Variants in DENND2B observed in about 807,000 individuals in gnomAD.
The protein encoded by DENND2B is DENN domain-containing protein 2B.
In DENND2B, 32 loss-of-function variants were observed where a neutral mutation model predicts 116.0. That is an observed-to-expected ratio of 0.28 (90% CI 0.21 to 0.37). DENND2B has a LOEUF of 0.37. Among genes scored for constraint, DENND2B ranks in the 10% least tolerant of loss-of-function variants. The probability of loss-of-function intolerance (pLI) is 1.00; values close to 1 mark genes in which losing one functional copy is unlikely to be tolerated. For synonymous variants in DENND2B, 588 were observed against 583.9 expected, an observed-to-expected ratio of 1.01 and a Z score of -0.10; for missense variants, 1,276 against 1,477.7, an observed-to-expected ratio of 0.86 and a Z score of 2.24.
chr11:8,907,882 A>G (rs2134772371), intron 1 of DENND2B, among the ~76,000 whole-genome samples: 2 of 152,284 alleles, frequency 1.3e-5, no homozygotes, highest in East Asian at 3.9e-4. Flanking sequence ...TTTTTAAAAA[A>G]TAGAGACAGG....
At chr11:8,861,995 A>C (rs945349761) in intron 2 of DENND2B, among the ~76,000 whole-genome samples, 9 of 145,964 alleles carry the variant, frequency 6.2e-5, no homozygotes, top group Admixed American at 5.4e-4. Flanking sequence ...GCAAAGGCAT[A>C]TCGAGTGGTA....
chr11:8,852,790 C>A (rs1024660503), intron 3 of DENND2B, among the ~76,000 whole-genome samples: 1 of 152,132 alleles, frequency 6.6e-6, no homozygotes, highest in South Asian at 2.1e-4. Context: ...GACTGAACAC[C>A]CTGAGGCAGC....
intron 1 of DENND2B, among the ~76,000 whole-genome samples, chr11:8,897,148 T>G (rs2064112422): frequency 2.0e-5 from 3 of 152,052 alleles, no homozygotes; most frequent in Admixed American, 2.0e-4. Context: ...TCCCAGCTAC[T>G]CTGGAGGCTG....
chr11:8,732,970 C>T (rs1248591396), intron 2 of DENND2B, among the ~76,000 whole-genome samples: 1 of 152,250 alleles, frequency 6.6e-6, no homozygotes, highest in Admixed American at 6.5e-5. Flanking sequence ...CAGGGATTGG[C>T]TGACAATTCC....
chr11:8,700,066 G>GA (rs1393574624), intron 14 of DENND2B: 5 of 357,846 alleles, frequency 1.4e-5, no homozygotes, highest in Non-Finnish European at 2.8e-5. Context: ...AGCTGGCCTG[G>GA]GGGGGGGCAG....
In DENND2B at chr11:8,711,189, G is replaced by C. The variant is rs1303775950; in HGVS notation, c.2215C>G (p.Leu739Val). 1 of 1,614,130 alleles carries C rather than the reference G, an allele frequency of 6.2e-7. No homozygotes were observed. Among genetic ancestry groups the C allele is most frequent in the African/African-American group, 1.3e-5 (1 of 75,040 alleles). The change falls in exon 10 of 20, where the codon CTC becomes GTC. Residue 739 changes from leucine (L) to valine (V), a missense_variant. This residue lies in a region of DENND2B where 420 missense variants were observed against 631.1 expected (regional missense o/e 0.67). Transcript: ENST00000313726. The part of the protein sequence containing the change: ...TKQMREAEER[L>V]KAIPQFCFPD... Reference sequence around the variant, plus strand: ...AAGCAAAACTGGGGAATGGCTTTGAGCCTTTCCTCTGCCTCTCGCATCTGC... The same window carrying C: ...AAGCAAAACTGGGGAATGGCTTTGACCCTTTCCTCTGCCTCTCGCATCTGC...
chr11:8,836,887 C>T (rs1383263874), intron 4 of DENND2B, among the ~76,000 whole-genome samples: 15 of 152,056 alleles, frequency 9.9e-5, no homozygotes, highest in African/African-American at 2.9e-4. Flanking sequence ...GGCTAATTTT[C>T]GTATTTCTTA....
At chr11:8,872,230 G>C (rs1040944766), upstream of DENND2B, among the ~76,000 whole-genome samples, 1 of 152,174 alleles carries the variant, frequency 6.6e-6, no homozygotes, top group Non-Finnish European at 1.5e-5. Context: ...GCTCAGGCCT[G>C]TAATCCCAGC....
intron 14 of DENND2B, among the ~76,000 whole-genome samples, chr11:8,701,140 T>C (rs1403640378): frequency 1.3e-5 from 2 of 152,160 alleles, no homozygotes; most frequent in Admixed American, 1.3e-4. Flanking sequence ...CCCCGGCTCT[T>C]AGAGCCAGGC....
chr11:8,738,350 G>A (rs1383183008), intron 2 of DENND2B, among the ~76,000 whole-genome samples: 2 of 152,108 alleles, frequency 1.3e-5, no homozygotes, highest in South Asian at 2.1e-4. Context: ...CTTCTCAGTC[G>A]GTTTCCTTGG....
chr11:8,814,472 A>G (rs778930892), upstream of DENND2B, among the ~76,000 whole-genome samples: 2 of 151,886 alleles, frequency 1.3e-5, no homozygotes, highest in African/African-American at 2.4e-5. Context: ...AGTTCCCCTG[A>G]GGTGTCATAT....
At chr11:8,784,791 T>C (rs748391971) in intron 1 of DENND2B, among the ~76,000 whole-genome samples, 3 of 151,810 alleles carry the variant, frequency 2.0e-5, no homozygotes, top group Non-Finnish European at 1.5e-5. Flanking sequence ...TGAGCCGAGA[T>C]TGTGCCACTG....
At chr11:8,878,478 C>T (rs1451856525) in intron 2 of DENND2B, among the ~76,000 whole-genome samples, 2 of 152,022 alleles carry the variant, frequency 1.3e-5, no homozygotes, top group Non-Finnish European at 2.9e-5. Flanking sequence ...CAACCTCCAC[C>T]TCCTGGGTTC....
At chr11:8,902,920 T>G (rs2064187391) in intron 1 of DENND2B, among the ~76,000 whole-genome samples, 2 of 152,140 alleles carry the variant, frequency 1.3e-5, no homozygotes, top group African/African-American at 2.4e-5. Context: ...ATCACAGTGG[T>G]GCAATCTCGG....
chr11:8,867,937 T>C lies in DENND2B; in HGVS notation c.-250+3017A>G, dbSNP rs149199346. On this transcript the variant is annotated intron_variant, in intron 2 of 6. Transcript: ENST00000524757. ...ATATGAGAGGAAAAGGCACATCAAC[T>C]TACCTAAGATGTTTAGGGCGAGGAA... is the stretch of plus-strand genomic sequence containing the variant. 1.3e-3 allele frequency among the ~76,000 whole-genome samples: 193 copies of C among 152,218 alleles called. 1 individual carries two copies. The highest frequency in any genetic ancestry group is 4.4e-3 in the African/African-American group (183 of 41,542).
At chr11:8,715,195 G>A (rs1294379564) in intron 6 of DENND2B, among the ~76,000 whole-genome samples, 1 of 152,190 alleles carries the variant, frequency 6.6e-6, no homozygotes, top group Non-Finnish European at 1.5e-5. Flanking sequence ...CGTTGGGCTG[G>A]GGATTTGGGC....
intron 4 of DENND2B, among the ~76,000 whole-genome samples, chr11:8,823,974 C>A (rs1454815799): frequency 6.7e-6 from 1 of 148,822 alleles, no homozygotes; most frequent in Non-Finnish European, 1.5e-5. Context: ...GTGATCTCAG[C>A]TCACTGCAAC....
At position 8,698,137 on chromosome 11, in the gene DENND2B, C is replaced by CAAAAAAAAAAAA. The variant is rs33975736; in HGVS notation, c.2941-513_2941-502dup. Reference sequence around the variant, plus strand: ...CTGGATGACAGTGAGACCCTGTCTCCAAAAAAAAAAAAAAAAAAAAAAAAA... The same window carrying CAAAAAAAAAAAA: ...CTGGATGACAGTGAGACCCTGTCTCCAAAAAAAAAAAAAAAAAAAAAAAAAAAAAAAAAAAAA... On this transcript the variant is annotated intron_variant, in intron 16 of 19. Coordinates refer to ENST00000313726, the MANE Select transcript of DENND2B (RefSeq NM_213618.2). Among the ~76,000 whole-genome samples, 17 of 39,808 alleles carry CAAAAAAAAAAAA rather than the reference C, an allele frequency of 4.3e-4. 2 individuals are homozygous for CAAAAAAAAAAAA. Among genetic ancestry groups the CAAAAAAAAAAAA allele is most frequent in the South Asian group, 2.0e-3 (1 of 492 alleles). The allele number at this position is 39,808 out of a possible 152,430, so 26.1% of individuals were successfully genotyped here.
intron 1 of DENND2B, among the ~76,000 whole-genome samples, chr11:8,779,023 G>A (rs2134239945): frequency 6.6e-6 from 1 of 152,312 alleles, no homozygotes; most frequent in South Asian, 2.1e-4. Flanking sequence ...TCACCACTTT[G>A]TTTTAGCTGA....
Sources: allele counts gnomAD v4.1 joint callset (sites outside exome capture counted in the v4.1 genomes callset), GRCh38; gene constraint gnomAD v4.1.1; regional missense constraint gnomAD v4.1.1; transcripts MANE v1.5; gene names NCBI Gene and HGNC (gene_info 2026-07-23, HGNC 2026-07-21).